SYN2: variants seen among roughly 807,000 people sequenced by gnomAD.
SYN2 encodes the protein synapsin II.
A neutral mutation model predicts 50.9 loss-of-function variants in SYN2; 19 were observed. The observed-to-expected ratio is 0.37, with a 90% CI of 0.26 to 0.55. SYN2 has a LOEUF of 0.55. Ranked by LOEUF, SYN2 falls within the 20% of genes least tolerant of loss-of-function variation. The pLI is 0.81. For missense variants in SYN2, 587 were observed against 576.4 expected, an observed-to-expected ratio of 1.02 and a Z score of -0.19; for synonymous variants, 255 against 224.9, an observed-to-expected ratio of 1.13 and a Z score of -1.20.
chr3:12,154,355 T>C, intron 5 of SYN2: 2 of 1,614,250 alleles, frequency 1.2e-6, no homozygotes, highest in South Asian at 1.1e-5. Flanking sequence ...ATGGTAGTGA[T>C]GATTCAGACT....
intron 1 of SYN2, among the ~76,000 whole-genome samples, chr3:12,017,292 C>G (rs1424706010): frequency 3.3e-5 from 5 of 152,120 alleles, no homozygotes; most frequent in African/African-American, 9.7e-5. Context: ...GACAGGCAGG[C>G]ACTGTTCTAA....
chr3:12,053,699 G>A (rs896524956), intron 1 of SYN2, among the ~76,000 whole-genome samples: 2 of 151,956 alleles, frequency 1.3e-5, no homozygotes, highest in African/African-American at 4.8e-5. Context: ...GTATTCTCAT[G>A]TTTTTTACAT....
intron 1 of SYN2, among the ~76,000 whole-genome samples, chr3:12,030,699 G>A (rs1426273058): frequency 1.5e-5 from 1 of 64,554 alleles, no homozygotes; most frequent in African/African-American, 5.3e-5. Flanking sequence ...ATGGTAGTTT[G>A]TATTTCTGTG....
intron 1 of SYN2, among the ~76,000 whole-genome samples, chr3:12,041,771 A>G (rs1217333200): frequency 1.3e-5 from 2 of 152,164 alleles, no homozygotes; most frequent in African/African-American, 4.8e-5. Context: ...AGGTCTAGGC[A>G]TACTGTTTAG....
chr3:12,078,811 T>A (rs1362121753), intron 1 of SYN2, among the ~76,000 whole-genome samples: 1 of 152,212 alleles, frequency 6.6e-6, no homozygotes, highest in African/African-American at 2.4e-5. Context: ...TCATATGAAT[T>A]TTAAAATACT....
rs115010642 is a variant in SYN2 at position 12,119,409 on chromosome 3, A to C, written c.378-21242A>C. On this transcript the variant is annotated intron_variant, in intron 1 of 12. Coordinates refer to ENST00000621198, the MANE Select transcript of SYN2 (RefSeq NM_133625.6). Reference sequence around the variant, plus strand: ...TGAGGACAAGGATAGTGTTTTATTCATTTCTGCAATCGTAGCAACCTAACA... The same window carrying C: ...TGAGGACAAGGATAGTGTTTTATTCCTTTCTGCAATCGTAGCAACCTAACA... Among the ~76,000 whole-genome samples, 1,038 of 152,216 alleles carry C rather than the reference A, an allele frequency of 6.8e-3. 6 individuals carry two copies. Among genetic ancestry groups the C allele is most frequent in the Non-Finnish European group, 9.5e-3 (649 of 68,012 alleles).
At chr3:12,032,836 G>A (rs1158339508) in intron 1 of SYN2, among the ~76,000 whole-genome samples, 2 of 59,512 alleles carry the variant, frequency 3.4e-5, no homozygotes, top group Non-Finnish European at 6.6e-5. Context: ...ATGTCCTCCC[G>A]TAGCTCAGAG....
intron 1 of SYN2, among the ~76,000 whole-genome samples, chr3:12,035,937 ATAT>A (rs1289925139): frequency 1.3e-5 from 2 of 152,120 alleles, no homozygotes; most frequent in East Asian, 3.8e-4. Flanking sequence ...ATATGTTAAG[ATAT>A]TATCTTTAGT....
chr3:12,058,025 A>G (rs760554354), intron 1 of SYN2, among the ~76,000 whole-genome samples: 3 of 152,076 alleles, frequency 2.0e-5, no homozygotes, highest in Non-Finnish European at 4.4e-5. Context: ...CAGAATCTAC[A>G]TTTTTTAACA....
chr3:12,045,853 G>A (rs530175593), intron 1 of SYN2, among the ~76,000 whole-genome samples: 1 of 152,258 alleles, frequency 6.6e-6, no homozygotes, highest in East Asian at 1.9e-4. Flanking sequence ...GAAGAAAAAA[G>A]TTAAAATCAG....
chr3:12,038,372 T>G (rs59724690), intron 1 of SYN2, among the ~76,000 whole-genome samples: 13,770 of 151,994 alleles, frequency 0.091, 2,036 homozygotes, highest in African/African-American at 0.31. Flanking sequence ...AACTTTGTTG[T>G]TTTTTAAAAA....
intron 1 of SYN2, among the ~76,000 whole-genome samples, chr3:12,064,597 T>C (rs1695172622): frequency 6.6e-6 from 1 of 152,008 alleles, no homozygotes; most frequent in Admixed American, 6.6e-5. Context: ...CCAAAGAACA[T>C]ATACAAAAGG....
At chr3:12,016,597 C>T (rs1694033890) in intron 1 of SYN2, among the ~76,000 whole-genome samples, 1 of 152,164 alleles carries the variant, frequency 6.6e-6, no homozygotes, top group African/African-American at 2.4e-5. Flanking sequence ...TGGCTCACGC[C>T]TGTAATCCCA....
chr3:12,155,354 T>TC (rs1382140003), intron 5 of SYN2, among the ~76,000 whole-genome samples: 11 of 152,230 alleles, frequency 7.2e-5, no homozygotes, highest in Non-Finnish European at 1.6e-4. Flanking sequence ...ATTATTTCCA[T>TC]CTATGGAAGG....
chr3:12,137,501 T>TTTACCATTTACCATTTACCATTTACCA (rs1696919698), intron 1 of SYN2, among the ~76,000 whole-genome samples: 1 of 152,214 alleles, frequency 6.6e-6, no homozygotes, highest in Non-Finnish European at 1.5e-5. Context: ...ATGTAAGCCA[T>TTTACCATTTACCATTTACCATTTACCA]TGTAGCACTG....
chr3:12,045,107 C>T (rs985281850), intron 1 of SYN2, among the ~76,000 whole-genome samples: 2 of 152,144 alleles, frequency 1.3e-5, no homozygotes, highest in Non-Finnish European at 2.9e-5. Flanking sequence ...ATCTAGTAAT[C>T]TAGTTAAGTT....
intron 10 of SYN2, among the ~76,000 whole-genome samples, chr3:12,171,874 C>T (rs1049659255): frequency 6.6e-6 from 1 of 152,200 alleles, no homozygotes; most frequent in African/African-American, 2.4e-5. Context: ...CCACAAAAAG[C>T]ATTAGCCCTT....
intron 1 of SYN2, among the ~76,000 whole-genome samples, chr3:12,033,562 T>C (rs1009777490): frequency 4.6e-5 from 7 of 152,188 alleles, no homozygotes; most frequent in Non-Finnish European, 7.3e-5. Context: ...CTTTAAAATA[T>C]ACAATTCGTT....
In SYN2 at chr3:12,141,890, GTTA is replaced by G; in HGVS notation, c.436-9_436-7del. 1.3e-6 allele frequency: 1 copy of G among 780,770 alleles called. No individual in the cohort carries two copies. The highest frequency in any genetic ancestry group is 2.4e-6 in the Non-Finnish European group (1 of 417,910). The allele number at this position is 780,770 out of a possible 1,614,324, so 48.4% of individuals were successfully genotyped here. A position where few individuals can be genotyped will look rare whatever the true frequency, so the allele number is the denominator to read the frequency against. On this transcript the variant is annotated splice_polypyrimidine_tract_variant and intron_variant, in intron 2 of 12. Transcript: ENST00000621198. ...GTCAGGATTGTGAACTTATTCCCCT[GTTA>G]TTATTTTCCAGGCAGAATTTTCAGA... is the stretch of plus-strand genomic sequence containing the variant.
Sources: gnomAD v4.1 joint callset for allele counts (sites outside exome capture counted in the v4.1 genomes callset) on GRCh38, gnomAD v4.1.1 for gene constraint, MANE v1.5 for transcripts, NCBI Gene and HGNC (gene_info 2026-07-23, HGNC 2026-07-21) for gene names.